LIMS1: variants seen among roughly 807,000 people sequenced by gnomAD.
LIMS1 encodes LIM zinc finger domain containing 1, also known as LIM and senescent cell antigen-like-containing domain protein 1.
A neutral mutation model predicts 44.1 loss-of-function variants in LIMS1; 18 were observed. That is an observed-to-expected ratio of 0.41 (90% CI 0.28 to 0.61). The LOEUF (loss-of-function observed/expected upper bound fraction) is 0.61, where lower values mean the gene tolerates loss of function less well. LIMS1 is among the 20% of genes least tolerant of loss of function. LIMS1 has a pLI of 0.32. For synonymous variants in LIMS1, 93 were observed against 149.1 expected (o/e 0.62, Z 2.74); for missense variants, 201 against 422.0 (o/e 0.48, Z 4.59).
chr2:108,594,765 G>A (rs1686581045), intron 1 of LIMS1, among the ~76,000 whole-genome samples: 1 of 152,114 alleles, frequency 6.6e-6, no homozygotes, highest in South Asian at 2.1e-4. Context: ...TACATATCAT[G>A]TCATCAGCAT....
At chr2:108,583,590 A>G (rs929074254) in intron 1 of LIMS1, among the ~76,000 whole-genome samples, 2 of 152,188 alleles carry the variant, frequency 1.3e-5, no homozygotes, top group African/African-American at 4.8e-5. Context: ...CCCGGGAGGA[A>G]AAGATACGCA....
At chr2:108,554,545 C>T (rs1439208874) in intron 1 of LIMS1, among the ~76,000 whole-genome samples, 3 of 152,134 alleles carry the variant, frequency 2.0e-5, no homozygotes, top group African/African-American at 4.8e-5. Context: ...GCCATTAGAG[C>T]TAGAGTATAT....
At chr2:108,687,175 T>C (rs1381668519) in exon 10 of LIMS1, 1 of 152,214 alleles carries the variant, frequency 6.6e-6, no homozygotes, top group African/African-American at 2.4e-5. Context: ...ATATTGGTAA[T>C]TATGTTTTCA....
chr2:108,627,186 A>G (rs1688627121), intron 1 of LIMS1, among the ~76,000 whole-genome samples: 1 of 152,184 alleles, frequency 6.6e-6, no homozygotes, highest in Non-Finnish European at 1.5e-5. Context: ...AGGTTTGTGT[A>G]TGTTTATGTG....
chr2:108,646,976 C>T (rs181828836), intron 1 of LIMS1, among the ~76,000 whole-genome samples: 178 of 152,248 alleles, frequency 1.2e-3, no homozygotes, highest in African/African-American at 4.2e-3. Context: ...CCGCCTCGGC[C>T]TCCCAAAGTG....
At chr2:108,615,864 T>C (rs903306887) in intron 1 of LIMS1, among the ~76,000 whole-genome samples, 2 of 152,136 alleles carry the variant, frequency 1.3e-5, no homozygotes, top group African/African-American at 4.8e-5. Context: ...AGGACTGTGA[T>C]AGTTAAATGA....
intron 8 of LIMS1, among the ~76,000 whole-genome samples, 144 bp from the exon 9 acceptor site, chr2:108,680,540 TAAAAAAAAAAA>T (rs772500201): frequency 1.2e-5 from 1 of 81,586 alleles, no homozygotes; most frequent in African/African-American, 4.2e-5. Context: ...CTGTCTCATT[TAAAAAAAAAAA>T]AAAAAAAAAA....
chr2:108,556,007 A>G (rs1051747418), intron 1 of LIMS1, among the ~76,000 whole-genome samples: 1 of 152,216 alleles, frequency 6.6e-6, no homozygotes. Flanking sequence ...GCAAAATATA[A>G]ATAACACAAA....
intron 1 of LIMS1, among the ~76,000 whole-genome samples, chr2:108,572,990 T>G (rs546000500): frequency 6.6e-6 from 1 of 152,298 alleles, no homozygotes; most frequent in South Asian, 2.1e-4. Flanking sequence ...TGTATGCTTG[T>G]CGGTGCTTCC....
intron 1 of LIMS1, among the ~76,000 whole-genome samples, chr2:108,585,672 G>T (rs773873449): frequency 2.0e-5 from 3 of 152,148 alleles, no homozygotes; most frequent in Non-Finnish European, 4.4e-5. Flanking sequence ...CCAGGCAGAG[G>T]CTCTTGCAAA....
At chr2:108,623,178 G>C (rs939921874) in intron 1 of LIMS1, among the ~76,000 whole-genome samples, 28 of 151,466 alleles carry the variant, frequency 1.8e-4, no homozygotes, top group African/African-American at 6.3e-4. Context: ...AGAAGTATAG[G>C]TTAGCCAAGA....
intron 1 of LIMS1, among the ~76,000 whole-genome samples, chr2:108,552,764 G>A (rs1368671194): frequency 6.6e-6 from 1 of 151,866 alleles, no homozygotes; most frequent in Admixed American, 6.6e-5. Context: ...TTTTTGTAGA[G>A]ATAAGGTTGC....
intron 1 of LIMS1, among the ~76,000 whole-genome samples, chr2:108,629,924 C>T (rs1008771221): frequency 6.6e-6 from 1 of 152,104 alleles, no homozygotes; most frequent in Non-Finnish European, 1.5e-5. Context: ...CAGGCACTGT[C>T]GCTCATGCCT....
chr2:108,658,875 A>G (rs1427011394), intron 1 of LIMS1, among the ~76,000 whole-genome samples: 6 of 152,308 alleles, frequency 3.9e-5, no homozygotes, highest in Non-Finnish European at 8.8e-5. Flanking sequence ...TGATTTTATG[A>G]GCAGGGGACC....
intron 1 of LIMS1, among the ~76,000 whole-genome samples, chr2:108,567,892 T>G (rs1685348985): frequency 6.6e-6 from 1 of 152,186 alleles, no homozygotes; most frequent in Admixed American, 6.5e-5. Context: ...TCTTGTTTGT[T>G]TCCAAATAAC....
chr2:108,534,394 C>T, exon 1 of LIMS1: 2 of 322,680 alleles, frequency 6.2e-6, no homozygotes, highest in Non-Finnish European at 1.0e-5. Context: ...GCGCGGCCCG[C>T]CTCGCCTTCC....
chr2:108,588,426 G>C (rs1686208394), intron 1 of LIMS1: 1 of 985,324 alleles, frequency 1.0e-6, no homozygotes, highest in Non-Finnish European at 1.2e-6. Context: ...GCCCTGATAA[G>C]TAAGTTAAAT....
At position 108,667,551 on chromosome 2, in the gene LIMS1, A is replaced by ATAT. The variant is rs1553469851; in HGVS notation, c.193-3230_193-3229insTAT. 5.3e-3 allele frequency among the ~76,000 whole-genome samples: 695 copies of ATAT among 130,460 alleles called. 3 individuals carry two copies. The highest frequency in any genetic ancestry group is 0.011 in the East Asian group (52 of 4,868). The allele number at this position is 130,460 out of a possible 152,430, so 85.6% of individuals were successfully genotyped here. A position where few individuals can be genotyped will look rare whatever the true frequency, so the allele number is the denominator to read the frequency against. ...TTCAACCTTTTTTAAAAAAAAAAAA[A>ATAT]ATATATATATATATATATACTGCTG... is the stretch of plus-strand genomic sequence containing the variant. On this transcript the variant is annotated intron_variant, in intron 2 of 9. Coordinates refer to ENST00000544547, the Ensembl canonical transcript of LIMS1.
At chr2:108,554,581 C>G (rs1684859035) in intron 1 of LIMS1, among the ~76,000 whole-genome samples, 1 of 152,118 alleles carries the variant, frequency 6.6e-6, no homozygotes, top group South Asian at 2.1e-4. Context: ...ATTATTTTGC[C>G]AAATGTTTTT....
Sources: gnomAD v4.1 joint callset for allele counts (sites outside exome capture counted in the v4.1 genomes callset) on GRCh38, gnomAD v4.1.1 for gene constraint, MANE v1.5 for transcripts, NCBI Gene and HGNC (gene_info 2026-07-23, HGNC 2026-07-21) for gene names.